Variants in FGF12 observed in about 807,000 individuals in gnomAD.
FGF12 encodes fibroblast growth factor 12.
FGF12 carries 14 observed loss-of-function variants against 23.6 expected under a neutral mutation model. That is an observed-to-expected ratio of 0.59 (90% confidence interval 0.39 to 0.93). FGF12 has a LOEUF of 0.93. Among genes scored for constraint, FGF12 ranks in the 40% least tolerant of loss-of-function variants. FGF12 has a pLI of 0.00. For synonymous variants in FGF12, 62 were observed against 77.3 expected (o/e 0.80, Z 1.04); for missense variants, 175 against 217.8 (o/e 0.80, Z 1.24).
At chr3:192,463,999 CAG>C (rs1301615322) in intron 2 of FGF12, among the ~76,000 whole-genome samples, 14 of 152,114 alleles carry the variant, frequency 9.2e-5, no homozygotes, top group African/African-American at 3.4e-4. Flanking sequence ...ACTCTTAGAT[CAG>C]TGGTTCTACT....
intron 2 of FGF12, among the ~76,000 whole-genome samples, chr3:192,410,268 TC>T (rs1173571012): frequency 6.9e-6 from 1 of 144,488 alleles, no homozygotes; most frequent in African/African-American, 2.5e-5. Context: ...CCTCCCTCCC[TC>T]CCGCCACCCC....
intron 2 of FGF12, among the ~76,000 whole-genome samples, chr3:192,371,494 A>C (rs992738618): frequency 6.6e-6 from 1 of 152,224 alleles, no homozygotes; most frequent in African/African-American, 2.4e-5. Flanking sequence ...TGTTCTAAGA[A>C]ATTAGGAAGA....
At chr3:192,300,691 C>G (rs1715295323) in intron 4 of FGF12, among the ~76,000 whole-genome samples, 1 of 152,006 alleles carries the variant, frequency 6.6e-6, no homozygotes, top group African/African-American at 2.4e-5. Context: ...CACAAGACTG[C>G]CAAGTTGATC....
At chr3:192,670,978 A>G (rs1717092408) in intron 2 of FGF12, among the ~76,000 whole-genome samples, 1 of 152,218 alleles carries the variant, frequency 6.6e-6, no homozygotes, top group Non-Finnish European at 1.5e-5. Context: ...CATCTGGCTC[A>G]GCTGGATTGT....
intron 3 of FGF12, among the ~76,000 whole-genome samples, chr3:192,344,090 A>G (rs1163872411): frequency 1.4e-4 from 22 of 152,192 alleles, no homozygotes; most frequent in Admixed American, 1.4e-3. Context: ...TAGTGTTCCA[A>G]TAATGGAACA....
chr3:192,528,770 C>A (rs1468822168), intron 2 of FGF12, among the ~76,000 whole-genome samples: 1 of 152,192 alleles, frequency 6.6e-6, no homozygotes, highest in African/African-American at 2.4e-5. Context: ...CTGAACTCCA[C>A]ATTGGAACTA....
intron 2 of FGF12, among the ~76,000 whole-genome samples, chr3:192,653,967 C>G (rs554088210): frequency 1.1e-4 from 16 of 152,196 alleles, no homozygotes; most frequent in Non-Finnish European, 2.1e-4. Flanking sequence ...CTCAGTTGAT[C>G]TACCTGCCTT....
intron 2 of FGF12, among the ~76,000 whole-genome samples, chr3:192,498,596 C>G (rs1169971669): frequency 6.6e-6 from 1 of 151,558 alleles, no homozygotes; most frequent in Non-Finnish European, 1.5e-5. Context: ...TTGTAAGAGT[C>G]TAGTTACTAG....
At chr3:192,179,600 C>T (rs937013321) in intron 4 of FGF12, among the ~76,000 whole-genome samples, 9 of 149,792 alleles carry the variant, frequency 6.0e-5, no homozygotes, top group African/African-American at 9.9e-5. Context: ...GGCTGGAGTA[C>T]AGCGGCACAA....
chr3:192,612,815 T>C (rs1325207205), intron 2 of FGF12, among the ~76,000 whole-genome samples: 2 of 151,942 alleles, frequency 1.3e-5, no homozygotes, highest in African/African-American at 4.8e-5. Context: ...GGAAACCAAA[T>C]AAATAGAAAT....
At chr3:192,550,584 A>G (rs9843147) in intron 2 of FGF12, among the ~76,000 whole-genome samples, 33,009 of 151,816 alleles carry the variant, frequency 0.22, 3,882 homozygotes, top group Middle Eastern at 0.4. Flanking sequence ...TAAGCCTTAA[A>G]AAAAGGAAGA....
intron 2 of FGF12, among the ~76,000 whole-genome samples, chr3:192,584,399 G>A (rs534599405): frequency 6.6e-6 from 1 of 151,740 alleles, no homozygotes; most frequent in Admixed American, 6.6e-5. Context: ...GTATATTAGC[G>A]ATCCCTGTGG....
chr3:192,680,820 G>A (rs1019967116), intron 2 of FGF12, among the ~76,000 whole-genome samples: 2 of 152,130 alleles, frequency 1.3e-5, no homozygotes, highest in African/African-American at 4.8e-5. Flanking sequence ...CTTACTATTT[G>A]CCAGGTCATT....
chr3:192,282,503 G>A (rs1371205319), intron 4 of FGF12, among the ~76,000 whole-genome samples: 3 of 152,020 alleles, frequency 2.0e-5, no homozygotes, highest in African/African-American at 7.2e-5. Context: ...TTTAAGGAGT[G>A]GCTAAGTGTA....
At chr3:192,158,257 A>G (rs1714545479) in intron 5 of FGF12, among the ~76,000 whole-genome samples, 2 of 151,874 alleles carry the variant, frequency 1.3e-5, no homozygotes, top group Admixed American at 6.6e-5. Flanking sequence ...CAAGCTTCCA[A>G]TACCACCTTA....
chr3:192,253,649 T>C (rs1037879720), intron 4 of FGF12, among the ~76,000 whole-genome samples: 1 of 151,980 alleles, frequency 6.6e-6, no homozygotes, highest in African/African-American at 2.4e-5. Context: ...GAAGGGGAAA[T>C]GGTGTTATTC....
chr3:192,499,508 ATATATATATTTTTTTTTTTTTT>A (rs1724061023), intron 2 of FGF12, among the ~76,000 whole-genome samples: 2 of 34,194 alleles, frequency 5.8e-5, no homozygotes, highest in African/African-American at 2.7e-4. Flanking sequence ...ATATATATAT[ATATATATATTTTTTTTTTTTTT>A]TTTTTTTTTT....
chr3:192,265,762 G>C (rs1335334056), intron 4 of FGF12, among the ~76,000 whole-genome samples: 2 of 152,014 alleles, frequency 1.3e-5, no homozygotes, highest in African/African-American at 2.4e-5. Flanking sequence ...GACAGAGATT[G>C]TGCAGTGTAA....
intron 4 of FGF12, among the ~76,000 whole-genome samples, chr3:192,314,125 GC>G (rs1334147774): frequency 6.6e-6 from 1 of 152,046 alleles, no homozygotes; most frequent in African/African-American, 2.4e-5. Flanking sequence ...TGGCCATGCT[GC>G]CCCCCTAATC....
Sources: gnomAD v4.1 joint callset for allele counts (sites outside exome capture counted in the v4.1 genomes callset) on GRCh38, gnomAD v4.1.1 for gene constraint, MANE v1.5 for transcripts, NCBI Gene and HGNC (gene_info 2026-07-23, HGNC 2026-07-21) for gene names.